The following NPLOC4 variants were observed in gnomAD, a reference collection of about 807,000 sequenced individuals.
NPLOC4 encodes the protein NPL4 homolog, ubiquitin recognition factor, also known as nuclear protein localization protein 4 homolog.
NPLOC4 carries 18 observed loss-of-function variants against 80.6 expected under a neutral mutation model. The ratio of observed to expected loss-of-function variants is 0.22; its 90% confidence interval spans 0.15 to 0.33. The LOEUF (loss-of-function observed/expected upper bound fraction) is 0.33. Ranked by LOEUF, NPLOC4 falls within the 10% of genes least tolerant of loss-of-function variation. NPLOC4 has a pLI of 1.00. For synonymous variants in NPLOC4, 313 were observed against 301.5 expected (o/e 1.04, Z -0.39); for missense variants, 540 against 786.1 (o/e 0.69, Z 3.74).
intron 13 of NPLOC4, 28 bp from the exon 14 acceptor site, chr17:81,569,139 T>C (rs768007546): frequency 1.3e-6 from 2 of 1,498,866 alleles, no homozygotes; most frequent in Non-Finnish European, 1.9e-6. Flanking sequence ...AAACCCATGA[T>C]AAATGAGGCT....
At chr17:81,597,963 C>G (rs541542086) in intron 9 of NPLOC4, among the ~76,000 whole-genome samples, 29 of 150,828 alleles carry the variant, frequency 1.9e-4, no homozygotes, top group African/African-American at 6.3e-4. Context: ...GGCGTGGTGG[C>G]GGGTGCCTGT....
At chr17:81,566,028 A>G (rs764064095) in intron 15 of NPLOC4, among the ~76,000 whole-genome samples, 2 of 152,160 alleles carry the variant, frequency 1.3e-5, no homozygotes, top group Non-Finnish European at 2.9e-5. Context: ...TTCCGAGTCA[A>G]ACTGCAGGGG....
Position 81,557,626 on chromosome 17 carries a change from G to C in NPLOC4, c.*1633C>G, listed in dbSNP as rs527627681. Reference sequence around the variant, plus strand: ...CTCACAGCTCATCTCAGGACCAGAGGAGACAGCAGAGGACAAAACTTCAGT... The same window carrying C: ...CTCACAGCTCATCTCAGGACCAGAGCAGACAGCAGAGGACAAAACTTCAGT... On this transcript the variant is annotated 3_prime_UTR_variant, in exon 17 of 17. Coordinates refer to ENST00000331134, the MANE Select transcript of NPLOC4 (RefSeq NM_017921.4). The C allele has an allele frequency of 3.9e-4, 59 of 152,142 alleles. No homozygotes were observed. Among genetic ancestry groups the C allele is most frequent in the African/African-American group, 1.4e-3 (58 of 41,564 alleles). The allele number at this position is 152,142 out of a possible 1,614,324, so 9.4% of individuals were successfully genotyped here. A position where few individuals can be genotyped will look rare whatever the true frequency, so the allele number is the denominator to read the frequency against.
chr17:81,567,873 C>T lies in NPLOC4; in HGVS notation c.1450-340G>A. The T allele has an allele frequency of 1.4e-5, 3 of 216,362 alleles. No homozygotes were observed. Among genetic ancestry groups the T allele is most frequent in the Non-Finnish European group, 2.8e-5 (3 of 106,988 alleles). 13.4% of individuals were successfully genotyped at this position (216,362 alleles called of 1,614,324 possible). A position where few individuals can be genotyped will look rare whatever the true frequency, so the allele number is the denominator to read the frequency against. ...CGAGGCAGGCAGGTGGTCAGGAGTT[C>T]GAGACCAGTCTGGCCAACATGGCGA... On this transcript the variant is annotated intron_variant, in intron 14 of 16. Coordinates refer to ENST00000331134, the MANE Select transcript of NPLOC4 (RefSeq NM_017921.4). The surrounding 1 kb of genome is among the most constrained non-coding windows in gnomAD (Gnocchi z 4.5).
chr17:81,635,192 C>A (rs73371206), intron 1 of NPLOC4, among the ~76,000 whole-genome samples: 7,154 of 151,728 alleles, frequency 0.047, 285 homozygotes, highest in East Asian at 0.22. Flanking sequence ...ATAAAAAAGA[C>A]ATCAGCCATG....
intron 3 of NPLOC4, among the ~76,000 whole-genome samples, chr17:81,615,102 T>TTCTTC (rs898716590): frequency 7.4e-6 from 1 of 135,916 alleles, no homozygotes; most frequent in African/African-American, 2.9e-5. Flanking sequence ...GTCTGTTTCT[T>TTCTTC]TTTTTTTTTT....
At chr17:81,570,312 T>C (rs962516846) in intron 13 of NPLOC4, among the ~76,000 whole-genome samples, 1 of 152,204 alleles carries the variant, frequency 6.6e-6, no homozygotes, top group Non-Finnish European at 1.5e-5. Flanking sequence ...GCCTCCTGGG[T>C]GCCCAGCACG....
intron 12 of NPLOC4, among the ~76,000 whole-genome samples, chr17:81,586,027 G>A (rs2034574254): frequency 6.6e-6 from 1 of 151,890 alleles, no homozygotes. Flanking sequence ...TCTCATGCAT[G>A]TAATCCCAGC....
rs1159817117 is a variant in NPLOC4, at chr17:81,572,126, G to A, written c.1282-38C>T. The A allele has an allele frequency of 1.9e-5, 27 of 1,385,928 alleles. No individual in the cohort carries two copies. The highest frequency in any genetic ancestry group is 7.9e-5 in the South Asian group (6 of 76,076). 85.9% of individuals were successfully genotyped at this position (1,385,928 alleles called of 1,614,324 possible). On this transcript the variant is annotated intron_variant, in intron 12 of 16. Coordinates refer to ENST00000331134, the MANE Select transcript of NPLOC4 (RefSeq NM_017921.4). The surrounding 1 kb of genome is among the most constrained non-coding windows in gnomAD (Gnocchi z 4.5). Reference sequence around the variant, plus strand: ...GAGGGGAACAGCGGTGAGCAAAGACGATCAGTAGTAATGATTTTCCTTTCA... The same window carrying A: ...GAGGGGAACAGCGGTGAGCAAAGACAATCAGTAGTAATGATTTTCCTTTCA...
At chr17:81,624,763 G>C (rs923545987) in intron 2 of NPLOC4, among the ~76,000 whole-genome samples, 2 of 152,190 alleles carry the variant, frequency 1.3e-5, no homozygotes, top group Non-Finnish European at 2.9e-5. Context: ...AGCTGAGCAG[G>C]GCCCACCCAG....
At chr17:81,589,142 G>A (rs749162956) in intron 11 of NPLOC4, 38 bp from the exon 12 acceptor site, 7 of 1,583,216 alleles carry the variant, frequency 4.4e-6, no homozygotes, top group Admixed American at 3.5e-5. Context: ...TCTACCAAAC[G>A]GCATTCAAAA....
chr17:81,583,723 C>T (rs1478038614), intron 12 of NPLOC4, among the ~76,000 whole-genome samples: 1 of 152,214 alleles, frequency 6.6e-6, no homozygotes, highest in Non-Finnish European at 1.5e-5. Flanking sequence ...AAGGCTCTTC[C>T]TCGTTCTCTT....
At chr17:81,565,099 G>A in intron 16 of NPLOC4, 1 of 582,208 alleles carries the variant, frequency 1.7e-6, no homozygotes, top group South Asian at 2.2e-5. Flanking sequence ...GGATGCTGCA[G>A]GCTTCTCCTC....
chr17:81,589,436 G>A (rs1381399306), intron 11 of NPLOC4, among the ~76,000 whole-genome samples: 5 of 151,996 alleles, frequency 3.3e-5, no homozygotes, highest in Non-Finnish European at 5.9e-5. Flanking sequence ...GGCTGAGGCA[G>A]GAGAATGGCG....
chr17:81,573,844 A>G (rs1204240088), intron 12 of NPLOC4, among the ~76,000 whole-genome samples: 1 of 152,238 alleles, frequency 6.6e-6, no homozygotes, highest in Admixed American at 6.5e-5. Flanking sequence ...ACATTCCTGC[A>G]AATACACAGC....
At chr17:81,589,531 C>CA (rs567322005) in intron 11 of NPLOC4, among the ~76,000 whole-genome samples, 13,786 of 122,364 alleles carry the variant, frequency 0.11, 965 homozygotes, top group Non-Finnish European at 0.16. Flanking sequence ...GACTCCATCT[C>CA]AAAAAAAAAA....
intron 5 of NPLOC4, 129 bp downstream of exon 5, chr17:81,610,081 C>T: frequency 1.4e-6 from 1 of 728,212 alleles, no homozygotes; most frequent in Non-Finnish European, 2.3e-6. Flanking sequence ...AGGCCCAGGG[C>T]AATAAATAGG....
chr17:81,606,907 C>T, intron 6 of NPLOC4, 93 bp from the exon 7 acceptor site: 1 of 1,200,456 alleles, frequency 8.3e-7, no homozygotes, highest in African/African-American at 1.5e-5. Context: ...ACCTCCTGAA[C>T]AGTGTCTCAG....
At position 81,623,776 on chromosome 17, in the gene NPLOC4, C is replaced by T. The variant is rs545166544; in HGVS notation, c.97-1498G>A. Among the ~76,000 whole-genome samples the T allele has an allele frequency of 1.8e-3, 266 of 148,240 alleles. 4 individuals are homozygous for T. The highest frequency in any genetic ancestry group is 4.6e-3 in the Admixed American group (67 of 14,640). The stretch of plus-strand genomic sequence containing the variant: ...TCGCGCCACTGCACTCCAGCCAGGA[C>T]GACAGAGCGAGACTCCGTCTCAAAA... On this transcript the variant is annotated intron_variant, in intron 2 of 16. Transcript: ENST00000331134.
Sources: allele counts gnomAD v4.1 joint callset (sites outside exome capture counted in the v4.1 genomes callset), GRCh38; gene constraint gnomAD v4.1.1; non-coding constraint Gnocchi (gnomAD v3.1); transcripts MANE v1.5; gene names NCBI Gene and HGNC (gene_info 2026-07-23, HGNC 2026-07-21).